ZSWIM4: variants seen among roughly 807,000 people sequenced by gnomAD.
ZSWIM4 encodes the protein zinc finger SWIM domain-containing protein 4.
ZSWIM4 carries 62 observed loss-of-function variants against 102.5 expected under a neutral mutation model. That is an observed-to-expected ratio of 0.60 (90% CI 0.49 to 0.75). The LOEUF (loss-of-function observed/expected upper bound fraction) is 0.75, where lower values mean the gene tolerates loss of function less well. Among genes scored for constraint, ZSWIM4 ranks in the 30% least tolerant of loss-of-function variants. The pLI is 0.00. For synonymous variants in ZSWIM4, 652 were observed against 674.5 expected (o/e 0.97, Z 0.52); for missense variants, 1,280 against 1,529.6 (o/e 0.84, Z 2.72).
intron 2 of ZSWIM4, among the ~76,000 whole-genome samples, chr19:13,802,336 C>T (rs1974795528): frequency 6.6e-6 from 1 of 150,800 alleles, no homozygotes; most frequent in African/African-American, 2.4e-5. Context: ...CCTGTAATCC[C>T]AGCACTTTGG....
Position 13,799,752 on chromosome 19 carries a change from C to A in ZSWIM4, c.186C>A (p.Pro62=), listed in dbSNP as rs773779738. 33 of 1,613,906 alleles carry A rather than the reference C, an allele frequency of 2.0e-5. No homozygotes were observed. Among genetic ancestry groups the A allele is most frequent in the African/African-American group, 2.7e-5 (2 of 74,918 alleles). The part of the protein sequence containing the change: ...VEERFSRVPE[P]VQKRIVFWSF... Reference sequence around the variant, plus strand: ...AGCGGTTCTCCCGGGTGCCTGAGCCCGTCCAGAAGCGCATCGTGTTTTGGT... The same window carrying A: ...AGCGGTTCTCCCGGGTGCCTGAGCCAGTCCAGAAGCGCATCGTGTTTTGGT... Residue 62 remains proline (P), a synonymous_variant, in exon 2 of 14, where the codon CCC becomes CCA. Transcript: ENST00000590508.
chr19:13,825,853 G>A lies in ZSWIM4; in HGVS notation c.2379+140G>A. 8.2e-7 allele frequency: 1 copy of A among 1,212,208 alleles called. No homozygotes were observed. Among genetic ancestry groups the A allele is most frequent in the Non-Finnish European group, 1.1e-6 (1 of 889,358 alleles). 75.1% of individuals were successfully genotyped at this position (1,212,208 alleles called of 1,614,324 possible). On this transcript the variant is annotated intron_variant, in intron 12 of 13. Coordinates refer to ENST00000590508, the MANE Select transcript of ZSWIM4 (RefSeq NM_001367834.3). The surrounding 1 kb of genome is among the most constrained non-coding windows in gnomAD (Gnocchi z 4.6). ...CATTTGCGTGAGCTATTCCTCTGTG[G>A]CTGGGGACTGAGCGAGAACCACTCT...
At chr19:13,807,914 G>A (rs1437842857) in intron 3 of ZSWIM4, among the ~76,000 whole-genome samples, 1 of 152,140 alleles carries the variant, frequency 6.6e-6, no homozygotes, top group African/African-American at 2.4e-5. Context: ...TTAATTTAAA[G>A]GAAACAGGTT....
At chr19:13,818,114 C>A (rs1975352115) in intron 9 of ZSWIM4, 138 bp downstream of exon 9, 9 of 1,362,228 alleles carry the variant, frequency 6.6e-6, no homozygotes, top group Non-Finnish European at 8.6e-6. Context: ...ATACTGTCCC[C>A]TCATACCTTG....
chr19:13,827,695 G>T (rs1206527796), intron 12 of ZSWIM4, among the ~76,000 whole-genome samples: 1 of 152,006 alleles, frequency 6.6e-6, no homozygotes, highest in Non-Finnish European at 1.5e-5. Flanking sequence ...ACAGCCTCCT[G>T]ATTGGAGCCG....
rs1375806429 is a variant in ZSWIM4 at position 13,830,218 on chromosome 19, A to G, written c.2489A>G (p.Gln830Arg). The change falls in exon 14 of 14, where the codon CAG becomes CGG. Residue 830 changes from glutamine (Q) to arginine (R), a missense_variant. Gln to Arg is a conservative substitution (Grantham distance 43). Coordinates refer to ENST00000590508, the MANE Select transcript of ZSWIM4 (RefSeq NM_001367834.3). ...CCGCAAGCCCTGATGAATATCATGC[A>G]GAACTGGTATTCCTTATTCACACCA... is the stretch of plus-strand genomic sequence containing the variant. ...IGPQALMNIM[Q>R]NWYSLFTPVE... The G allele has an allele frequency of 1.9e-6, 3 of 1,613,384 alleles. No homozygotes were observed. The highest frequency in any genetic ancestry group is 1.7e-6 in the Non-Finnish European group (2 of 1,179,868).
chr19:13,802,409 G>A (rs1398754582), intron 2 of ZSWIM4, among the ~76,000 whole-genome samples: 3 of 151,170 alleles, frequency 2.0e-5, no homozygotes, highest in Non-Finnish European at 4.4e-5. Flanking sequence ...GTGAAACCCC[G>A]TCTCTACTAA....
rs533237337 is a variant in ZSWIM4 at position 13,823,034 on chromosome 19, C to T, written c.2061-312C>T. ...GGTATGGTGGCACGTGCCTGTAGTCCCAGCTACTCAGGAGGCTGAAGTGGG... is the reference window on the plus strand; with the variant it reads ...GGTATGGTGGCACGTGCCTGTAGTCTCAGCTACTCAGGAGGCTGAAGTGGG... On this transcript the variant is annotated intron_variant, in intron 10 of 13. Transcript: ENST00000590508. Among the ~76,000 whole-genome samples the T allele has an allele frequency of 2.3e-3, 349 of 152,034 alleles. 1 individual carries two copies. The highest frequency in any genetic ancestry group is 8.1e-3 in the African/African-American group (335 of 41,480).
chr19:13,799,707 G>T lies in ZSWIM4; in HGVS notation c.154-13G>T, dbSNP rs750159971. The T allele has an allele frequency of 3.1e-6, 5 of 1,613,584 alleles. No homozygotes were observed. The Admixed American group carries it at 8.3e-5, about 27-fold the overall frequency. On this transcript the variant is annotated splice_polypyrimidine_tract_variant and intron_variant, in intron 1 of 13. Coordinates refer to ENST00000590508, the MANE Select transcript of ZSWIM4 (RefSeq NM_001367834.3). Reference sequence around the variant, plus strand: ...TCAACCCCAGGCTCCTAACCCACTGGCCCTTCCTACAGGTGGAGGAGCGGT... The same window carrying T: ...TCAACCCCAGGCTCCTAACCCACTGTCCCTTCCTACAGGTGGAGGAGCGGT...
chr19:13,800,244 CTTTTTTTTTTTTTTTTTTTTTT>C (rs750229248), intron 2 of ZSWIM4, among the ~76,000 whole-genome samples: 20 of 27,510 alleles, frequency 7.3e-4, no homozygotes, highest in African/African-American at 1.8e-3. Flanking sequence ...TTTTGTATTT[CTTTTTTTTTTTTTTTTTTTTTT>C]TTTTTTTTTT....
In ZSWIM4 at chr19:13,814,688, G is replaced by A. The variant is rs780555356; in HGVS notation, c.1354G>A (p.Asp452Asn). Residue 452 changes from aspartate (D) to asparagine (N), a missense_variant, in exon 7 of 14, where the codon GAC becomes AAC. Transcript: ENST00000590508. ...CGTGGGTGGGGACAAACCGACTTTCGACCCCCAGGGCCGCCCACTGTGGCT... is the reference window on the plus strand; with the variant it reads ...CGTGGGTGGGGACAAACCGACTTTCAACCCCCAGGGCCGCCCACTGTGGCT... Reference protein sequence around the residue: ...GSVGGDKPTFDPQGRPLWLGE... With the variant: ...GSVGGDKPTFNPQGRPLWLGE... 10 of 1,283,396 alleles carry A rather than the reference G, an allele frequency of 7.8e-6. No individual in the cohort carries two copies. Among genetic ancestry groups the A allele is most frequent in the Admixed American group, 2.3e-5 (1 of 43,154 alleles). The allele number at this position is 1,283,396 out of a possible 1,614,324, so 79.5% of individuals were successfully genotyped here. A position where few individuals can be genotyped will look rare whatever the true frequency, so the allele number is the denominator to read the frequency against.
At chr19:13,830,071 T>G in intron 13 of ZSWIM4, 120 bp from the exon 14 acceptor site, 1 of 1,294,174 alleles carries the variant, frequency 7.7e-7, no homozygotes, top group Admixed American at 2.2e-5. Context: ...GAAAGGAAGT[T>G]TCTGTTCAGC....
At chr19:13,798,657 A>G (rs7249346) in intron 1 of ZSWIM4, among the ~76,000 whole-genome samples, 4,417 of 152,192 alleles carry the variant, frequency 0.029, 198 homozygotes, top group African/African-American at 0.1. Flanking sequence ...AGTCTCCACA[A>G]TCCTCAAGAG....
intron 3 of ZSWIM4, among the ~76,000 whole-genome samples, chr19:13,807,408 A>G (rs1184081282): frequency 6.6e-6 from 1 of 152,048 alleles, no homozygotes; most frequent in East Asian, 1.9e-4. Flanking sequence ...AGATGAGTAA[A>G]CAGATGGGTC....
At chr19:13,797,963 TATA>T (rs1352301840) in intron 1 of ZSWIM4, among the ~76,000 whole-genome samples, 1 of 152,172 alleles carries the variant, frequency 6.6e-6, no homozygotes, top group Non-Finnish European at 1.5e-5. Context: ...GGACGTATCT[TATA>T]ATGTTTTAAG....
At chr19:13,810,015 C>T (rs1235792251) in intron 5 of ZSWIM4, among the ~76,000 whole-genome samples, 1 of 149,164 alleles carries the variant, frequency 6.7e-6, no homozygotes, top group Non-Finnish European at 1.5e-5. Flanking sequence ...GAGAAGGAGT[C>T]TCGCTCTGTC....
intron 2 of ZSWIM4, 144 bp downstream of exon 2, chr19:13,800,065 A>ATTTT (rs71170569): frequency 1.9e-3 from 716 of 384,544 alleles, no homozygotes; most frequent in South Asian, 3.3e-3. Context: ...ATTGTACAAG[A>ATTTT]TTTTTTTTTT....
chr19:13,809,041 C>A lies in ZSWIM4; in HGVS notation c.862-29C>A. 1 of 1,607,656 alleles carries A rather than the reference C, an allele frequency of 6.2e-7. No homozygotes were observed. Among genetic ancestry groups the A allele is most frequent in the Non-Finnish European group, 8.5e-7 (1 of 1,175,370 alleles). On this transcript the variant is annotated intron_variant, in intron 4 of 13. Transcript: ENST00000590508. This position sits in a 1 kb window ranked among gnomAD's most constrained non-coding sequence, Gnocchi z 4.2. ...AGAAGGCCCCGGCGGACGCCCCAGCCCTTCCTCACCACCCTGTCCCCGGCA... is the reference window on the plus strand; with the variant it reads ...AGAAGGCCCCGGCGGACGCCCCAGCACTTCCTCACCACCCTGTCCCCGGCA...
In ZSWIM4 at chr19:13,821,208, C is replaced by A. The variant is rs555452439; in HGVS notation, c.2060+1716C>A. Among the ~76,000 whole-genome samples, 3 of 150,192 alleles carry A rather than the reference C, an allele frequency of 2.0e-5. No individual in the cohort carries two copies. The South Asian group carries it at 6.3e-4, about 32-fold the overall frequency. On this transcript the variant is annotated intron_variant, in intron 10 of 13. Transcript: ENST00000590508. ...CTGAGACAGGAGAATGACTTAAACC[C>A]GGGAGGTGGAGGTTGCAATGAGCCC...
Sources: gnomAD v4.1 joint callset for allele counts (sites outside exome capture counted in the v4.1 genomes callset) on GRCh38, gnomAD v4.1.1 for gene constraint, Gnocchi (gnomAD v3.1) non-coding constraint, MANE v1.5 for transcripts, NCBI Gene and HGNC (gene_info 2026-07-23, HGNC 2026-07-21) for gene names.